The following NEDD1 variants were observed in gnomAD, a reference collection of about 807,000 sequenced individuals.
NEDD1 encodes the protein NEDD1 gamma-tubulin ring complex targeting factor.
Under a neutral mutation model 74.0 loss-of-function variants are expected in NEDD1, and 33 were observed. That is an observed-to-expected ratio of 0.45 (90% CI 0.34 to 0.60). The LOEUF (loss-of-function observed/expected upper bound fraction) is 0.60, where lower values mean the gene tolerates loss of function less well. Among genes scored for constraint, NEDD1 ranks in the 20% least tolerant of loss-of-function variants. The pLI is 0.01. For synonymous variants in NEDD1, 250 were observed against 264.4 expected (o/e 0.95, Z 0.53); for missense variants, 746 against 776.5 (o/e 0.96, Z 0.47).
chr12:96,948,821 C>T lies in NEDD1; in HGVS notation c.1812-2611C>T, dbSNP rs574000185. On this transcript the variant is annotated intron_variant, in intron 14 of 15. Transcript: ENST00000266742. ...TCTGGAGTATTCACTGTCTTTTTTA[C>T]CTTGGTGGGTCCCAAACTTCAGCCT... 1.6e-3 allele frequency among the ~76,000 whole-genome samples: 246 copies of T among 152,248 alleles called. 2 individuals are homozygous for T. Among genetic ancestry groups the T allele is most frequent in the African/African-American group, 5.6e-3 (232 of 41,560 alleles).
At chr12:96,948,424 GATGGGTCTCTTTTCTCCTAGTC>G (rs1226474917) in intron 14 of NEDD1, among the ~76,000 whole-genome samples, 8 of 152,068 alleles carry the variant, frequency 5.3e-5, no homozygotes, top group Non-Finnish European at 1.0e-4. Flanking sequence ...AGGGCATGAA[GATGGGTCTCTTTTCTCCTAGTC>G]ATGGGTCTCT....
chr12:96,916,265 T>TTA, intron 4 of NEDD1, among the ~76,000 whole-genome samples: 1 of 149,962 alleles, frequency 6.7e-6, no homozygotes, highest in Non-Finnish European at 1.5e-5. Context: ...TTATTATTTT[T>TTA]AAATTATACT....
intron 14 of NEDD1, among the ~76,000 whole-genome samples, chr12:96,951,125 A>G (rs560594708): frequency 1.3e-5 from 2 of 151,982 alleles, no homozygotes; most frequent in South Asian, 4.1e-4. Flanking sequence ...TCCTAGCTCC[A>G]TCATTTACTG....
intron 12 of NEDD1, 113 bp downstream of exon 12, chr12:96,943,875 T>TG: frequency 3.1e-6 from 2 of 635,896 alleles, no homozygotes; most frequent in Non-Finnish European, 5.4e-6. Flanking sequence ...TATTCATAAG[T>TG]CTTGATGTCA....
intron 5 of NEDD1, among the ~76,000 whole-genome samples, chr12:96,918,820 T>C (rs1053060430): frequency 2.0e-5 from 3 of 152,250 alleles, no homozygotes; most frequent in African/African-American, 7.2e-5. Flanking sequence ...CCCCATGTTC[T>C]TAATTTCCCA....
rs375214691 is a variant in NEDD1, at chr12:96,937,345, A to T, written c.1069A>T (p.Met357Leu). 3 of 1,611,582 alleles carry T rather than the reference A, an allele frequency of 1.9e-6. No individual in the cohort carries two copies. The Admixed American group carries it at 5.0e-5, about 27-fold the overall frequency. ...CATTGCCACAGTTCTACCACAACCT[A>T]TGACATCAGCTATGGGGAAAGGAAC... Reference protein sequence around the residue: ...TSIATVLPQPMTSAMGKGTVA... With the variant: ...TSIATVLPQPLTSAMGKGTVA... The change falls in exon 9 of 16, where the codon ATG (methionine) becomes TTG (leucine). Residue 357 changes from methionine (M) to leucine (L), a missense_variant. By Grantham distance (15) the Met-to-Leu change is conservative. Transcript: ENST00000266742.
chr12:96,943,421 G>A (rs249579), intron 11 of NEDD1, 139 bp from the exon 12 acceptor site: 301,499 of 627,644 alleles, frequency 0.48, 73,574 homozygotes, highest in East Asian at 0.56. Context: ...ATTGCGGGGT[G>A]TATCTGAGAA....
chr12:96,932,104 C>G (rs1876537740), intron 6 of NEDD1, among the ~76,000 whole-genome samples: 1 of 151,752 alleles, frequency 6.6e-6, no homozygotes, highest in East Asian at 1.9e-4. Context: ...TATTTAGAAA[C>G]AATCTCCCTC....
rs188053806 is a variant in NEDD1 at position 96,925,202 on chromosome 12, A to G, written c.489+5077A>G. On this transcript the variant is annotated intron_variant, in intron 6 of 15. Coordinates refer to ENST00000266742, the MANE Select transcript of NEDD1 (RefSeq NM_152905.4). ...TGGGAAGAATGGAAAAGCATTTTAA[A>G]GGAAATGATGTCTCAGTGGTAGCCT... is the stretch of plus-strand genomic sequence containing the variant. 8.9e-4 allele frequency among the ~76,000 whole-genome samples: 136 copies of G among 152,342 alleles called. 1 individual carries two copies. Among genetic ancestry groups the G allele is most frequent in the Non-Finnish European group, 1.4e-3 (98 of 68,036 alleles).
intron 6 of NEDD1, among the ~76,000 whole-genome samples, chr12:96,921,100 TTTG>T: frequency 6.6e-6 from 1 of 152,272 alleles, no homozygotes; most frequent in African/African-American, 2.4e-5. Flanking sequence ...GCTTATTGAT[TTTG>T]TTTTTACTAT....
rs1162915608 is a variant in NEDD1 at position 96,937,227 on chromosome 12, G to T, written c.951G>T (p.Lys317Asn). The stretch of plus-strand genomic sequence containing the variant: ...GTTTAAATAAAGGCTGTTCAAATAA[G>T]CCCACAACAGTGAACAAACGAAGTG... ...KSSLNKGCSN[K>N]PTTVNKRSVN... The change falls in exon 9 of 16, where the codon AAG (lysine) becomes AAT (asparagine). Residue 317 changes from lysine (K) to asparagine (N), a missense_variant. Physicochemically the swap from Lys to Asn is moderately conservative, Grantham distance 94. Coordinates refer to ENST00000266742, the MANE Select transcript of NEDD1 (RefSeq NM_152905.4). 1 of 1,608,826 alleles carries T rather than the reference G, an allele frequency of 6.2e-7. No individual in the cohort carries two copies. The highest frequency in any genetic ancestry group is 8.5e-7 in the Non-Finnish European group (1 of 1,177,266).
intron 6 of NEDD1, among the ~76,000 whole-genome samples, chr12:96,921,296 C>T (rs1335881335): frequency 2.0e-5 from 3 of 152,194 alleles, no homozygotes; most frequent in Non-Finnish European, 4.4e-5. Context: ...ATTCTCTTGT[C>T]TCAGTCTCCC....
chr12:96,920,331 C>G (rs958989514), intron 6 of NEDD1, among the ~76,000 whole-genome samples: 2 of 151,150 alleles, frequency 1.3e-5, no homozygotes, highest in Non-Finnish European at 2.9e-5. Flanking sequence ...ATCAAATAGT[C>G]ACATCCTTCT....
rs546749522 is a variant in NEDD1 at position 96,913,452 on chromosome 12, C to T, written c.231+635C>T. On this transcript the variant is annotated intron_variant, in intron 4 of 15. Transcript: ENST00000266742. Reference sequence around the variant, plus strand: ...GCAATGGTGCAATCTTAGCTCACTGCAACCTCCGCCTCCCCAGTTCAAGCG... The same window carrying T: ...GCAATGGTGCAATCTTAGCTCACTGTAACCTCCGCCTCCCCAGTTCAAGCG... Among the ~76,000 whole-genome samples the T allele has an allele frequency of 7.6e-4, 116 of 152,134 alleles. 1 individual carries two copies. The South Asian group carries it at 0.013, about 17-fold the overall frequency.
In NEDD1 at chr12:96,909,876, AAT is replaced by A. The variant is rs1565781764; in HGVS notation, c.120_121del (p.Ile40MetfsTer6). ...PHTSPHGISSICWSSNNNFLV... is the reference protein window; with the variant it reads ...PHTSPHGISSXCWSSNNNFLV... ...ACACATCACCACATGGAATCAGCTC[AAT>A]ATGTTGGAGCAGCAATAGTATCCTT... On this transcript the variant is annotated frameshift_variant, in exon 3 of 16. Transcript: ENST00000266742. LOFTEE classifies it high-confidence loss of function. 1 of 1,611,064 alleles carries A rather than the reference AAT, an allele frequency of 6.2e-7. No homozygotes were observed. Among genetic ancestry groups the A allele is most frequent in the Admixed American group, 1.7e-5 (1 of 59,548 alleles).
intron 6 of NEDD1, among the ~76,000 whole-genome samples, chr12:96,925,339 C>T (rs1875578903): frequency 6.6e-6 from 1 of 152,056 alleles, no homozygotes; most frequent in Non-Finnish European, 1.5e-5. Flanking sequence ...AGAATGCTTA[C>T]CACCATTTAT....
At chr12:96,919,777 A>G (rs1874861855) in intron 5 of NEDD1, among the ~76,000 whole-genome samples, 1 of 152,254 alleles carries the variant, frequency 6.6e-6, no homozygotes, top group Admixed American at 6.5e-5. Context: ...AATGCCATGT[A>G]GAAAATTACC....
At position 96,952,766 on chromosome 12, in the gene NEDD1, G is replaced by A. The variant is rs1404039190; in HGVS notation, c.*713G>A. Reference sequence around the variant, plus strand: ...TAGGACTCGACAAGAGCTATCTGGTGATTTTCTCATTAGTAACATGCAACG... The same window carrying A: ...TAGGACTCGACAAGAGCTATCTGGTAATTTTCTCATTAGTAACATGCAACG... On this transcript the variant is annotated 3_prime_UTR_variant, in exon 16 of 16. Transcript: ENST00000266742. 6.6e-6 allele frequency: 1 copy of A among 151,636 alleles called. No homozygotes were observed. The highest frequency in any genetic ancestry group is 2.4e-5 in the African/African-American group (1 of 41,368). 9.4% of individuals were successfully genotyped at this position (151,636 alleles called of 1,614,324 possible). A position where few individuals can be genotyped will look rare whatever the true frequency, so the allele number is the denominator to read the frequency against.
At chr12:96,924,129 A>G (rs974524799) in intron 6 of NEDD1, among the ~76,000 whole-genome samples, 2 of 152,192 alleles carry the variant, frequency 1.3e-5, no homozygotes, top group East Asian at 1.9e-4. Context: ...ACAAAGACCA[A>G]CCTATCCCCA....
Sources: gnomAD v4.1 joint callset for allele counts (sites outside exome capture counted in the v4.1 genomes callset) on GRCh38, gnomAD v4.1.1 for gene constraint, MANE v1.5 for transcripts, NCBI Gene and HGNC (gene_info 2026-07-23, HGNC 2026-07-21) for gene names.